The following LIMS1 variants were observed in gnomAD, a reference collection of about 807,000 sequenced individuals.
The protein encoded by LIMS1 is LIM zinc finger domain containing 1.
LIMS1 carries 18 observed loss-of-function variants against 44.1 expected under a neutral mutation model. That is an observed-to-expected ratio of 0.41 (90% CI 0.28 to 0.61). The LOEUF (loss-of-function observed/expected upper bound fraction) is 0.61, where lower values mean the gene tolerates loss of function less well. LIMS1 is among the 20% of genes least tolerant of loss of function. The pLI is 0.32. For missense variants in LIMS1, 201 were observed against 422.0 expected, an observed-to-expected ratio of 0.48 and a Z score of 4.59; for synonymous variants, 93 against 149.1, an observed-to-expected ratio of 0.62 and a Z score of 2.74.
chr2:108,534,979 A>T (rs1010054310), intron 1 of LIMS1, among the ~76,000 whole-genome samples: 1 of 152,228 alleles, frequency 6.6e-6, no homozygotes, highest in East Asian at 1.9e-4. Context: ...GGCTATCTCC[A>T]TAGACTGTAC....
intron 1 of LIMS1, among the ~76,000 whole-genome samples, chr2:108,546,791 A>G (rs1684498101): frequency 6.6e-6 from 1 of 152,134 alleles, no homozygotes; most frequent in Non-Finnish European, 1.5e-5. Flanking sequence ...GGGCAAAGTA[A>G]GTTGTTTATG....
intron 1 of LIMS1, among the ~76,000 whole-genome samples, chr2:108,542,160 T>C (rs1175876617): frequency 6.6e-6 from 1 of 152,176 alleles, no homozygotes. Flanking sequence ...TAAAACAGGA[T>C]CATTTTCTTT....
chr2:108,631,072 G>A (rs976655219), intron 1 of LIMS1, among the ~76,000 whole-genome samples: 1 of 152,240 alleles, frequency 6.6e-6, no homozygotes, highest in Non-Finnish European at 1.5e-5. Flanking sequence ...GGCTTACAGA[G>A]TGTGGGACAC....
intron 8 of LIMS1, chr2:108,678,649 A>C (rs1692735233): frequency 6.6e-6 from 1 of 152,224 alleles, no homozygotes; most frequent in Non-Finnish European, 1.5e-5. Context: ...GTTTGTGAAA[A>C]CAATCCAGGA....
intron 1 of LIMS1, among the ~76,000 whole-genome samples, chr2:108,540,730 T>G (rs1306083813): frequency 6.6e-6 from 1 of 152,196 alleles, no homozygotes; most frequent in Non-Finnish European, 1.5e-5. Flanking sequence ...TGCTTCTTTA[T>G]TTTACAGGAC....
intron 9 of LIMS1, among the ~76,000 whole-genome samples, chr2:108,683,306 A>G (rs1194800173): frequency 1.3e-5 from 2 of 152,170 alleles, no homozygotes; most frequent in Non-Finnish European, 2.9e-5. Flanking sequence ...TTTCCTTTAG[A>G]TAAATTTATC....
chr2:108,534,465 C>G lies in LIMS1; in HGVS notation c.-98C>G. 1.0e-6 allele frequency: 1 copy of G among 1,001,334 alleles called. No homozygotes were observed. The highest frequency in any genetic ancestry group is 1.3e-6 in the Non-Finnish European group (1 of 795,412). The allele number at this position is 1,001,334 out of a possible 1,614,324, so 62.0% of individuals were successfully genotyped here. ...CCTTCCTCCCCTTCCTGCTCCGGGC[C>G]CGCCAGTAGCCGGCCGCGGCGGCGA... On this transcript the variant is annotated 5_prime_UTR_variant, in exon 1 of 10. Coordinates refer to ENST00000544547, the Ensembl canonical transcript of LIMS1.
chr2:108,652,792 A>G (rs893114672), intron 1 of LIMS1, among the ~76,000 whole-genome samples: 2 of 152,014 alleles, frequency 1.3e-5, no homozygotes, highest in Non-Finnish European at 2.9e-5. Context: ...GCCTCCTACC[A>G]TGCCACCCCC....
intron 1 of LIMS1, among the ~76,000 whole-genome samples, chr2:108,625,553 T>C (rs1187206753): frequency 1.3e-5 from 2 of 152,104 alleles, no homozygotes; most frequent in African/African-American, 4.8e-5. Context: ...CAGGGCTACG[T>C]CAGCCATTTG....
rs1686206559 is a variant in LIMS1 at position 108,588,368 on chromosome 2, T to C, written c.32+53774T>C. ...AGGAAGTTCTGTACAGTTTAGGAAA[T>C]AGAGGCTTTCAAAGATAATTCGCAG... On this transcript the variant is annotated intron_variant, in intron 1 of 9. Transcript: ENST00000544547. 1.0e-5 allele frequency: 10 copies of C among 985,104 alleles called. 1 individual carries two copies. Among genetic ancestry groups the C allele is most frequent in the East Asian group, 1.1e-4 (1 of 8,814 alleles). 61.0% of individuals were successfully genotyped at this position (985,104 alleles called of 1,614,324 possible). A position where few individuals can be genotyped will look rare whatever the true frequency, so the allele number is the denominator to read the frequency against.
intron 1 of LIMS1, among the ~76,000 whole-genome samples, chr2:108,536,157 G>T (rs1303469753): frequency 1.3e-5 from 2 of 152,134 alleles, no homozygotes; most frequent in Non-Finnish European, 2.9e-5. Context: ...GTGTCTCTCC[G>T]CATCCTATCC....
chr2:108,658,719 T>C (rs1308152408), intron 1 of LIMS1, among the ~76,000 whole-genome samples: 2 of 152,294 alleles, frequency 1.3e-5, no homozygotes, highest in Non-Finnish European at 2.9e-5. Context: ...AGGCTACCGA[T>C]GGGGGAATTT....
In LIMS1 at chr2:108,633,205, TC is replaced by T. The variant is rs558311592; in HGVS notation, c.33-26399del. The stretch of plus-strand genomic sequence containing the variant: ...ATTTGGTGAGGTTATTTTTATGTAT[TC>T]TTTTAACACAGAATTATTTTTTGTG... On this transcript the variant is annotated intron_variant, in intron 1 of 9. Transcript: ENST00000544547. 3.9e-5 allele frequency among the ~76,000 whole-genome samples: 6 copies of T among 152,370 alleles called. No homozygotes were observed. The South Asian group carries it at 1.2e-3, about 32-fold the overall frequency.
At chr2:108,588,271 A>G (rs201025329) in intron 1 of LIMS1, 3 of 47,658 alleles carry the variant, frequency 6.3e-5, no homozygotes, top group Non-Finnish European at 6.9e-5. Flanking sequence ...TAAATACAGG[A>G]AAAAAAAAAA....
chr2:108,662,050 A>G (rs1053525585), intron 2 of LIMS1, among the ~76,000 whole-genome samples: 2 of 152,154 alleles, frequency 1.3e-5, no homozygotes, highest in Non-Finnish European at 2.9e-5. Flanking sequence ...ATGGGCAATT[A>G]TGACAAAGGC....
intron 1 of LIMS1, among the ~76,000 whole-genome samples, chr2:108,537,553 A>G (rs1463755662): frequency 6.6e-6 from 1 of 152,216 alleles, no homozygotes; most frequent in Non-Finnish European, 1.5e-5. Flanking sequence ...GCCTAAGTGT[A>G]TTCACACTTT....
intron 1 of LIMS1, among the ~76,000 whole-genome samples, chr2:108,644,365 GGACCTCCAGCAAACTCCAGCA>G (rs1455031643): frequency 1.3e-5 from 2 of 152,138 alleles, no homozygotes; most frequent in African/African-American, 4.8e-5. Context: ...GGTCTGGAGC[GGACCTCCAGCAAACTCCAGCA>G]GACCTGCAGC....
chr2:108,638,006 C>A (rs533488073), intron 1 of LIMS1, among the ~76,000 whole-genome samples: 11 of 152,012 alleles, frequency 7.2e-5, no homozygotes, highest in Non-Finnish European at 1.5e-4. Context: ...GTGCATGCCA[C>A]CGTGCCCGGC....
intron 1 of LIMS1, among the ~76,000 whole-genome samples, chr2:108,656,318 T>G (rs2244097): frequency 0.28 from 23,727 of 83,524 alleles, 2,216 homozygotes; most frequent in East Asian, 0.4. Flanking sequence ...TCTATCTATC[T>G]ATAGATAGAT....
Sources: allele counts gnomAD v4.1 joint callset (sites outside exome capture counted in the v4.1 genomes callset), GRCh38; gene constraint gnomAD v4.1.1; transcripts MANE v1.5; gene names NCBI Gene and HGNC (gene_info 2026-07-23, HGNC 2026-07-21).